The following ODF2L variants were observed in gnomAD, a reference collection of about 807,000 sequenced individuals.
The protein encoded by ODF2L is protein BCAP.
Under a neutral mutation model 86.3 loss-of-function variants are expected in ODF2L, and 76 were observed. The observed-to-expected ratio is 0.88, with a 90% confidence interval of 0.73 to 1.07. The LOEUF (loss-of-function observed/expected upper bound fraction) is 1.07, where lower values mean the gene tolerates loss of function less well. Ranked by LOEUF, ODF2L falls within the 50% of genes least tolerant of loss-of-function variation. The pLI is 0.00. For synonymous variants in ODF2L, 241 were observed against 231.3 expected, an observed-to-expected ratio of 1.04 and a Z score of -0.38; for missense variants, 748 against 717.4, an observed-to-expected ratio of 1.04 and a Z score of -0.49.
intron 8 of ODF2L, among the ~76,000 whole-genome samples, chr1:86,374,168 T>C (rs1660010854): frequency 6.6e-6 from 1 of 152,222 alleles, no homozygotes; most frequent in Admixed American, 6.5e-5. Flanking sequence ...TTACTGAGCA[T>C]GTATTACGTG....
chr1:86,357,443 G>C (rs906977054), intron 13 of ODF2L, among the ~76,000 whole-genome samples: 3 of 150,994 alleles, frequency 2.0e-5, no homozygotes, highest in Non-Finnish European at 4.4e-5. Flanking sequence ...AAAGAAAAAA[G>C]ACTTGTCGCC....
chr1:86,396,187 A>T (rs1261828387), exon 1 of ODF2L: 1 of 152,550 alleles, frequency 6.6e-6, no homozygotes, highest in East Asian at 1.9e-4. Flanking sequence ...CGCAGGGGGC[A>T]CTACAGTGGG....
intron 1 of ODF2L, among the ~76,000 whole-genome samples, chr1:86,393,869 A>G (rs1026837678): frequency 8.5e-5 from 13 of 152,236 alleles, no homozygotes; most frequent in African/African-American, 2.9e-4. Flanking sequence ...GTTCTCAAAT[A>G]TAAGTTAGGG....
intron 8 of ODF2L, among the ~76,000 whole-genome samples, chr1:86,373,522 T>A (rs1327311837): frequency 6.7e-6 from 1 of 149,382 alleles, no homozygotes; most frequent in Admixed American, 6.7e-5. Context: ...TATATATTGA[T>A]ATATATAACT....
At chr1:86,390,142 GC>G (rs1661216995) in intron 1 of ODF2L, among the ~76,000 whole-genome samples, 1 of 152,258 alleles carries the variant, frequency 6.6e-6, no homozygotes, top group Admixed American at 6.5e-5. Flanking sequence ...TTCTTAAAAG[GC>G]CGGGCGTGGT....
At chr1:86,352,219 C>T in intron 17 of ODF2L, 1 of 1,499,452 alleles carries the variant, frequency 6.7e-7, no homozygotes, top group Non-Finnish European at 8.9e-7. Flanking sequence ...CTGGAAAAAA[C>T]ACAGTATCAT....
At chr1:86,387,741 T>C (rs1661050515) in intron 1 of ODF2L, among the ~76,000 whole-genome samples, 1 of 152,154 alleles carries the variant, frequency 6.6e-6, no homozygotes, top group Non-Finnish European at 1.5e-5. Context: ...CCAATTTAAG[T>C]AATGAGTTAG....
intron 11 of ODF2L, chr1:86,360,947 T>C (rs1402602618): frequency 6.6e-6 from 1 of 152,334 alleles, no homozygotes; most frequent in East Asian, 1.9e-4. Context: ...GTTTAACTAT[T>C]AGGAAAAAAA....
intron 1 of ODF2L, among the ~76,000 whole-genome samples, chr1:86,395,578 C>A (rs1661679174): frequency 6.6e-6 from 1 of 152,140 alleles, no homozygotes; most frequent in Non-Finnish European, 1.5e-5. Context: ...CTAGAGGAAT[C>A]CTGGAGAAGG....
chr1:86,395,499 C>T (rs1661669914), intron 1 of ODF2L, among the ~76,000 whole-genome samples: 1 of 152,164 alleles, frequency 6.6e-6, no homozygotes, highest in Admixed American at 6.5e-5. Flanking sequence ...GAACACAAGT[C>T]GGCCTTTAGC....
At chr1:86,355,424 A>AT (rs1178710326) in intron 14 of ODF2L, 9 of 1,249,588 alleles carry the variant, frequency 7.2e-6, no homozygotes, top group Admixed American at 2.1e-5. Flanking sequence ...CAAGGAAAAA[A>AT]TTTTTTTCTC....
At chr1:86,366,178 TG>T (rs1659400051) in intron 11 of ODF2L, among the ~76,000 whole-genome samples, 2 of 152,170 alleles carry the variant, frequency 1.3e-5, no homozygotes, top group Admixed American at 1.3e-4. Flanking sequence ...TTGTCTCATT[TG>T]TAAATTTTTA....
chr1:86,376,307 A>G lies in ODF2L; in HGVS notation c.736T>C (p.Ser246Pro), dbSNP rs765821048. The change falls in exon 8 of 18, where the codon TCT becomes CCT. Residue 246 changes from serine (S) to proline (P), a missense_variant. Coordinates refer to ENST00000317336, the Ensembl canonical transcript of ODF2L. ...TCAAGCCTTTGTTTGTAAACTTTAG[A>G]TGCCTTTTTTAAAGCTACAGTTTTT... is the stretch of plus-strand genomic sequence containing the variant. 10 of 1,612,524 alleles carry G rather than the reference A, an allele frequency of 6.2e-6. No individual in the cohort carries two copies. The East Asian group carries it at 2.2e-4, about 36-fold the overall frequency.
intron 1 of ODF2L, among the ~76,000 whole-genome samples, chr1:86,393,740 G>T (rs1661499166): frequency 6.6e-6 from 1 of 152,136 alleles, no homozygotes; most frequent in Non-Finnish European, 1.5e-5. Flanking sequence ...GAATTTAACT[G>T]CTCCATAAAT....
chr1:86,375,543 A>T (rs1401097767), intron 8 of ODF2L, among the ~76,000 whole-genome samples: 1 of 152,132 alleles, frequency 6.6e-6, no homozygotes. Flanking sequence ...GACTTTTTTA[A>T]AAAAATTATT....
intron 7 of ODF2L, chr1:86,381,914 CAAT>C (rs1436273882): frequency 5.9e-6 from 1 of 170,754 alleles, no homozygotes; most frequent in Non-Finnish European, 1.2e-5. Context: ...AAAATGTTAA[CAAT>C]GATTTTGGTA....
exon 2 of ODF2L, chr1:86,386,931 C>T (rs1343375413): frequency 1.9e-6 from 3 of 1,571,052 alleles, no homozygotes; most frequent in Non-Finnish European, 2.6e-6. Context: ...AGATGACTTT[C>T]ACTGGTACAC....
rs906897621 is a variant in ODF2L at position 86,350,618 on chromosome 1, G to C, written c.*1573C>G. 3 of 152,194 alleles carry C rather than the reference G, an allele frequency of 2.0e-5. No individual in the cohort carries two copies. In the East Asian group the frequency reaches 5.8e-4, roughly 29 times the overall value. 9.4% of individuals were successfully genotyped at this position (152,194 alleles called of 1,614,324 possible). On this transcript the variant is annotated 3_prime_UTR_variant, in exon 18 of 18. Coordinates refer to ENST00000317336, the Ensembl canonical transcript of ODF2L. The stretch of plus-strand genomic sequence containing the variant: ...TTATAGTCCTTTGGGTATATACCCA[G>C]TAATGGGATTGCTGGGTCAAATGGT...
intron 7 of ODF2L, among the ~76,000 whole-genome samples, chr1:86,377,896 C>T (rs1160915181): frequency 6.6e-6 from 1 of 152,208 alleles, no homozygotes; most frequent in Non-Finnish European, 1.5e-5. Flanking sequence ...TAATATTCGG[C>T]TTCTCATTAT....
Sources: allele counts gnomAD v4.1 joint callset (sites outside exome capture counted in the v4.1 genomes callset), GRCh38; gene constraint gnomAD v4.1.1; transcripts MANE v1.5; gene names NCBI Gene and HGNC (gene_info 2026-07-23, HGNC 2026-07-21).